Variants in ZFHX3 observed in about 807,000 individuals in gnomAD.
The protein encoded by ZFHX3 is zinc finger homeobox protein 3.
A neutral mutation model predicts 279.1 loss-of-function variants in ZFHX3; 42 were observed. The ratio of observed to expected loss-of-function variants is 0.15; its 90% confidence interval spans 0.12 to 0.19. The LOEUF (loss-of-function observed/expected upper bound fraction) is 0.19, where lower values mean the gene tolerates loss of function less well. Ranked by LOEUF, ZFHX3 falls within the 10% of genes least tolerant of loss-of-function variation. ZFHX3 has a pLI of 1.00. For synonymous variants in ZFHX3, 2,293 were observed against 1,957.8 expected (o/e 1.17, Z -4.52); for missense variants, 4,981 against 4,754.0 (o/e 1.05, Z -1.40).
At chr16:73,764,132 G>C (rs1209705847) in intron 1 of ZFHX3, among the ~76,000 whole-genome samples, 2 of 152,140 alleles carry the variant, frequency 1.3e-5, no homozygotes, top group Non-Finnish European at 2.9e-5. Context: ...TGTTACACAG[G>C]CATAGAAAAC....
At chr16:73,814,913 T>G (rs2142341346) in intron 1 of ZFHX3, among the ~76,000 whole-genome samples, 1 of 152,268 alleles carries the variant, frequency 6.6e-6, no homozygotes, top group South Asian at 2.1e-4. Context: ...CCACATATAC[T>G]GAAACACTAG....
intron 5 of ZFHX3, among the ~76,000 whole-genome samples, chr16:73,188,753 G>C (rs905197306): frequency 2.0e-5 from 3 of 152,144 alleles, no homozygotes; most frequent in African/African-American, 7.2e-5. Flanking sequence ...GAAAATGTTA[G>C]ATTCCCAGGG....
At chr16:73,851,924 T>C (rs966747203) in intron 1 of ZFHX3, among the ~76,000 whole-genome samples, 2 of 152,142 alleles carry the variant, frequency 1.3e-5, no homozygotes, top group African/African-American at 4.8e-5. Context: ...AGGGCATTAA[T>C]GACATTTAGT....
chr16:73,078,164 G>A (rs1965907028), intron 8 of ZFHX3, among the ~76,000 whole-genome samples: 1 of 152,172 alleles, frequency 6.6e-6, no homozygotes, highest in Admixed American at 6.5e-5. Flanking sequence ...GAGAAAGACA[G>A]GAGAAAAAGT....
chr16:73,046,836 C>G (rs1965318986), intron 1 of ZFHX3, among the ~76,000 whole-genome samples: 1 of 147,970 alleles, frequency 6.8e-6, no homozygotes, highest in Admixed American at 7.0e-5. Flanking sequence ...GCCATCTGTT[C>G]TCTCTGGGGT....
intron 7 of ZFHX3, among the ~76,000 whole-genome samples, chr16:73,113,285 G>A (rs1966398845): frequency 6.6e-6 from 1 of 152,084 alleles, no homozygotes; most frequent in Non-Finnish European, 1.5e-5. Flanking sequence ...TTCCTAGGAA[G>A]GAACAATATA....
At chr16:73,324,782 C>T (rs147704084) in intron 3 of ZFHX3, among the ~76,000 whole-genome samples, 2 of 152,228 alleles carry the variant, frequency 1.3e-5, no homozygotes, top group African/African-American at 4.8e-5. Flanking sequence ...GAGAAGATAT[C>T]CATTAGGACT....
intron 4 of ZFHX3, among the ~76,000 whole-genome samples, chr16:73,304,891 A>T (rs1254985581): frequency 6.6e-6 from 1 of 152,026 alleles, no homozygotes; most frequent in East Asian, 1.9e-4. Flanking sequence ...TGCCACAATA[A>T]ATAATGCTAC....
chr16:72,909,820 A>G (rs1407706651), intron 3 of ZFHX3, among the ~76,000 whole-genome samples: 1 of 148,440 alleles, frequency 6.7e-6, no homozygotes, highest in African/African-American at 2.5e-5. Flanking sequence ...TGAGGCCGCA[A>G]TGAGCCAAGA....
chr16:73,890,395 C>A (rs897225468), intron 1 of ZFHX3, among the ~76,000 whole-genome samples: 5 of 152,218 alleles, frequency 3.3e-5, no homozygotes, highest in African/African-American at 9.6e-5. Context: ...TGCAACTAGC[C>A]GCCTGAGAAT....
chr16:73,146,622 C>A (rs1966864612), intron 5 of ZFHX3, among the ~76,000 whole-genome samples: 1 of 152,000 alleles, frequency 6.6e-6, no homozygotes. Context: ...CATGGCAGTA[C>A]TAGTTTTTTA....
chr16:72,992,461 G>A (rs570955755), intron 1 of ZFHX3, among the ~76,000 whole-genome samples: 1 of 152,178 alleles, frequency 6.6e-6, no homozygotes, highest in Non-Finnish European at 1.5e-5. Flanking sequence ...CGGATCTAAT[G>A]TGAGGCTGGG....
At chr16:73,598,298 T>G (rs144662291) in intron 2 of ZFHX3, among the ~76,000 whole-genome samples, 1 of 152,228 alleles carries the variant, frequency 6.6e-6, no homozygotes, top group South Asian at 2.1e-4. Context: ...CAAATTCTTC[T>G]GGTTTAGCTA....
chr16:73,127,329 C>T (rs1456273004), intron 7 of ZFHX3: 5 of 1,300,084 alleles, frequency 3.8e-6, no homozygotes, highest in South Asian at 3.7e-5. Flanking sequence ...CTGGTGGCAG[C>T]CGTACAGAGG....
chr16:73,349,687 TC>T, intron 3 of ZFHX3, among the ~76,000 whole-genome samples: 1 of 27,444 alleles, frequency 3.6e-5, no homozygotes, highest in Non-Finnish European at 7.2e-5. Flanking sequence ...CCTCTCTCCC[TC>T]TCCCTTCCTT....
rs576925839 is a variant in ZFHX3 at position 73,161,352 on chromosome 16, G to T, written c.-1103-17521C>A. 2.3e-3 allele frequency among the ~76,000 whole-genome samples: 356 copies of T among 152,260 alleles called. 2 individuals carry two copies. Among genetic ancestry groups the T allele is most frequent in the African/African-American group, 7.9e-3 (330 of 41,560 alleles). ...TCCAACCACCTCGGATCATGGAGCT[G>T]CTTTGCTCTTCTGAATTCTTACAGC... is the stretch of plus-strand genomic sequence containing the variant. On this transcript the variant is annotated intron_variant, in intron 5 of 17. Coordinates refer to the ZFHX3 transcript ENST00000641206.
At chr16:73,166,463 T>C (rs1967370298) in intron 5 of ZFHX3, among the ~76,000 whole-genome samples, 1 of 151,980 alleles carries the variant, frequency 6.6e-6, no homozygotes, top group African/African-American at 2.4e-5. Context: ...TTCTGGATGC[T>C]TTAAGGAAGT....
At chr16:73,623,890 T>C (rs532144518) in intron 2 of ZFHX3, among the ~76,000 whole-genome samples, 1 of 152,330 alleles carries the variant, frequency 6.6e-6, no homozygotes, top group Admixed American at 6.5e-5. Flanking sequence ...TTACCAAATA[T>C]TAATGAACCA....
At chr16:73,687,065 T>TA in intron 1 of ZFHX3, among the ~76,000 whole-genome samples, 1 of 120,256 alleles carries the variant, frequency 8.3e-6, no homozygotes, top group Non-Finnish European at 1.7e-5. Context: ...TATATATATA[T>TA]TTGCAGCTTT....
Sources: gnomAD v4.1 joint callset for allele counts (sites outside exome capture counted in the v4.1 genomes callset) on GRCh38, gnomAD v4.1.1 for gene constraint, MANE v1.5 for transcripts, NCBI Gene and HGNC (gene_info 2026-07-23, HGNC 2026-07-21) for gene names.